Variants in BBS2 observed in about 807,000 individuals in gnomAD.
BBS2 encodes Bardet-Biedl syndrome 2.
Under a neutral mutation model 83.0 loss-of-function variants are expected in BBS2, and 62 were observed. The observed-to-expected ratio is 0.75, with a 90% CI of 0.61 to 0.92. BBS2 has a LOEUF of 0.92. Among genes scored for constraint, BBS2 ranks in the 40% least tolerant of loss-of-function variants. BBS2 has a pLI of 0.00. For missense variants in BBS2, 784 were observed against 901.0 expected, an observed-to-expected ratio of 0.87 and a Z score of 1.66; for synonymous variants, 303 against 326.1, an observed-to-expected ratio of 0.93 and a Z score of 0.76.
intron 15 of BBS2, among the ~76,000 whole-genome samples, chr16:56,492,495 A>C (rs1963985002): frequency 6.6e-6 from 1 of 152,202 alleles, no homozygotes; most frequent in Non-Finnish European, 1.5e-5. Context: ...TAGTTGAAAG[A>C]GGGGAAGAAG....
At chr16:56,486,413 A>G (rs905577518) in intron 15 of BBS2, among the ~76,000 whole-genome samples, 2 of 152,244 alleles carry the variant, frequency 1.3e-5, no homozygotes, top group African/African-American at 2.4e-5. Flanking sequence ...AAGTATTTAT[A>G]GCAGCTTTAT....
Position 56,497,036 on chromosome 16 carries a change from A to C in BBS2, c.1841T>G (p.Met614Arg). 6.2e-7 allele frequency: 1 copy of C among 1,614,158 alleles called. No homozygotes were observed. The highest frequency in any genetic ancestry group is 8.5e-7 in the Non-Finnish European group (1 of 1,179,980). ...HSVHQKLSAD[M>R]ADHSNLIRSL... The stretch of plus-strand genomic sequence containing the variant: ...TCGGATCAAATTAGAATGATCAGCC[A>C]TATCAGCACTGAGCTTCTGATGCAC... The change falls in exon 15 of 17, where the codon ATG becomes AGG. Residue 614 changes from methionine to arginine, a missense_variant. Physicochemically the swap from Met to Arg is moderately conservative, Grantham distance 91 (BLOSUM62 -1). Coordinates refer to ENST00000245157, the MANE Select transcript of BBS2 (RefSeq NM_031885.5).
Position 56,498,441 on chromosome 16 carries a change from C to A in BBS2, c.1655G>T (p.Gly552Val). ...CCCCGTGATATTAAACATTACCTCT[C>A]CACTAAGTTTTATTTTTATATGCAG... Reference protein sequence around the residue: ...GHLHIKIKLSGEITINTDDID... With the variant: ...GHLHIKIKLSVEITINTDDID... The change falls in exon 13 of 17, where the codon GGA becomes GTA. Residue 552 changes from glycine (G) to valine (V), a missense_variant. Gly to Val is a moderately radical substitution (Grantham distance 109). Transcript: ENST00000245157. 1 of 1,613,944 alleles carries A rather than the reference C, an allele frequency of 6.2e-7. No homozygotes were observed. Among genetic ancestry groups the A allele is most frequent in the Admixed American group, 1.7e-5 (1 of 60,018 alleles).
chr16:56,501,377 C>A lies in BBS2; in HGVS notation c.1201G>T (p.Glu401Ter), dbSNP rs1964267478. Residue 401 changes from glutamate to a stop codon, truncating the protein, a stop_gained, in exon 10 of 17, where the codon GAA (glutamate) becomes TAA (stop). Coordinates refer to ENST00000245157, the MANE Select transcript of BBS2 (RefSeq NM_031885.5). LOFTEE classifies it high-confidence loss of function. ...CCATTAGAAGTGGAAATGCGTAATT[C>A]TGTATGAGCAGTTTGGGTCTCATTC... ...LGNETQTAHT[E>*]LRISTSNDTI... is the part of the protein sequence containing the mutation. 6.2e-7 allele frequency: 1 copy of A among 1,613,836 alleles called. No homozygotes were observed. The highest frequency in any genetic ancestry group is 8.5e-7 in the Non-Finnish European group (1 of 1,180,002).
At chr16:56,497,562 C>G in intron 14 of BBS2, 181 bp downstream of exon 14, 1 of 760,992 alleles carries the variant, frequency 1.3e-6, no homozygotes, top group South Asian at 1.7e-5. Context: ...CTAAACACTT[C>G]CTTTTATAAA....
intron 8 of BBS2, 106 bp downstream of exon 8, chr16:56,502,567 G>C (rs1356218269): frequency 1.9e-6 from 3 of 1,609,454 alleles, no homozygotes; most frequent in Admixed American, 1.7e-5. Flanking sequence ...GAATTTATTA[G>C]AACTACAGGA....
chr16:56,515,728 A>G (rs923949629), intron 1 of BBS2, among the ~76,000 whole-genome samples: 3 of 152,260 alleles, frequency 2.0e-5, no homozygotes, highest in African/African-American at 7.2e-5. Context: ...AAACATAGAA[A>G]ACGTGCAGCC....
chr16:56,503,699 C>G (rs2144153885), intron 7 of BBS2, among the ~76,000 whole-genome samples: 1 of 152,282 alleles, frequency 6.6e-6, no homozygotes, highest in South Asian at 2.1e-4. Flanking sequence ...GCAGGCGGAT[C>G]ACGAGGTCAG....
intron 1 of BBS2, among the ~76,000 whole-genome samples, chr16:56,515,519 G>A (rs1964710833): frequency 6.6e-6 from 1 of 152,096 alleles, no homozygotes. Flanking sequence ...GTTCCAAGGT[G>A]GGCAATATGA....
intron 15 of BBS2, among the ~76,000 whole-genome samples, chr16:56,490,679 T>C (rs1177474114): frequency 6.6e-6 from 1 of 152,038 alleles, no homozygotes; most frequent in Non-Finnish European, 1.5e-5. Flanking sequence ...ATGACTTACA[T>C]TTTCTTAATG....
In BBS2 at chr16:56,496,908, T is replaced by A; in HGVS notation, c.1910+59A>T. The A allele has an allele frequency of 3.4e-6, 4 of 1,159,504 alleles. No individual in the cohort carries two copies. The South Asian group carries it at 4.9e-5, about 14-fold the overall frequency. 71.8% of individuals were successfully genotyped at this position (1,159,504 alleles called of 1,614,324 possible). A position where few individuals can be genotyped will look rare whatever the true frequency, so the allele number is the denominator to read the frequency against. ...TCTATTGGTAACATCTGAGAGTTGC[T>A]ATTCCATACTGCTCACATTTTTAAC... On this transcript the variant is annotated intron_variant, in intron 15 of 16. Transcript: ENST00000245157.
chr16:56,478,127 GA>G (rs548096748), intron 17 of BBS2: 3 of 152,054 alleles, frequency 2.0e-5, no homozygotes, highest in Non-Finnish European at 4.4e-5. Context: ...ATATGGTAAC[GA>G]ACCATTTTAC....
intron 15 of BBS2, among the ~76,000 whole-genome samples, chr16:56,493,475 G>A (rs1964022946): frequency 6.6e-6 from 1 of 150,440 alleles, no homozygotes; most frequent in Admixed American, 6.6e-5. Context: ...GGGTGTGTGT[G>A]TATATATCTG....
chr16:56,510,789 A>G (rs111732498), intron 4 of BBS2, 70 bp downstream of exon 4: 13 of 1,526,562 alleles, frequency 8.5e-6, no homozygotes, highest in African/African-American at 4.1e-5. Flanking sequence ...TTCTGTCAAC[A>G]CTAATGTCAC....
intron 15 of BBS2, among the ~76,000 whole-genome samples, chr16:56,486,610 T>C (rs1963783657): frequency 6.6e-6 from 1 of 152,152 alleles, no homozygotes. Context: ...TATATAGATA[T>C]AGATACAGTA....
chr16:56,508,675 G>T (rs1250710129), intron 5 of BBS2, among the ~76,000 whole-genome samples: 5 of 108 alleles, frequency 0.046, no homozygotes, highest in African/African-American at 0.18. Context: ...ACAGAGTCTT[G>T]TTCTCGTTGC....
chr16:56,486,321 C>T (rs1418101053), intron 15 of BBS2, among the ~76,000 whole-genome samples: 1 of 152,166 alleles, frequency 6.6e-6, no homozygotes, highest in Non-Finnish European at 1.5e-5. Context: ...AAGTTAAACA[C>T]ACAATGTATG....
chr16:56,510,893 G>A lies in BBS2; in HGVS notation c.500C>T (p.Ala167Val), dbSNP rs1335237270. ...TCCATCACCATCAAAGTCACACAAG[G>A]CCAAGGAATTAACATTGTCTCCAGT... ...TVTGDNVNSL[A>V]LCDFDGDGKK... is the part of the protein sequence containing the mutation. Residue 167 changes from alanine (A) to valine (V), a missense_variant, in exon 4 of 17, where the codon GCC becomes GTC. Transcript: ENST00000245157. 3.1e-6 allele frequency: 5 copies of A among 1,613,924 alleles called. No homozygotes were observed. Among genetic ancestry groups the A allele is most frequent in the Non-Finnish European group, 4.2e-6 (5 of 1,180,028 alleles).
At chr16:56,495,997 A>G (rs1276198034) in intron 15 of BBS2, among the ~76,000 whole-genome samples, 4 of 152,050 alleles carry the variant, frequency 2.6e-5, no homozygotes, top group African/African-American at 9.7e-5. Context: ...CATTATATTT[A>G]AGTACTTCTG....
Sources: allele counts gnomAD v4.1 joint callset (sites outside exome capture counted in the v4.1 genomes callset), GRCh38; gene constraint gnomAD v4.1.1; transcripts MANE v1.5; gene names NCBI Gene and HGNC (gene_info 2026-07-23, HGNC 2026-07-21).